Variants in RUNX2 observed in about 807,000 individuals in gnomAD.
RUNX2 encodes the protein runt-related transcription factor 2.
Under a neutral mutation model 51.7 loss-of-function variants are expected in RUNX2, and 10 were observed. The ratio of observed to expected loss-of-function variants is 0.19; its 90% CI spans 0.12 to 0.33. The LOEUF (loss-of-function observed/expected upper bound fraction) is 0.33, where lower values mean the gene tolerates loss of function less well. Among genes scored for constraint, RUNX2 ranks in the 10% least tolerant of loss-of-function variants. The pLI, the probability that RUNX2 is intolerant of heterozygous loss-of-function variation, is 1.00. For missense variants in RUNX2, 562 were observed against 691.3 expected (o/e 0.81, Z 2.10); for synonymous variants, 276 against 273.6 (o/e 1.01, Z -0.09).
intron 2 of RUNX2, among the ~76,000 whole-genome samples, chr6:45,402,715 C>T (rs1395908837): frequency 2.6e-5 from 4 of 151,884 alleles, no homozygotes; most frequent in Non-Finnish European, 5.9e-5. Context: ...AAAAATAAAA[C>T]AAAAAAATTA....
intron 2 of RUNX2, among the ~76,000 whole-genome samples, chr6:45,411,722 T>C (rs948665788): frequency 6.6e-6 from 1 of 152,170 alleles, no homozygotes; most frequent in Non-Finnish European, 1.5e-5. Flanking sequence ...TTATAATAAG[T>C]TATAACACTT....
At chr6:45,391,328 T>G (rs1447506635) in intron 2 of RUNX2, among the ~76,000 whole-genome samples, 1 of 152,174 alleles carries the variant, frequency 6.6e-6, no homozygotes, top group Non-Finnish European at 1.5e-5. Flanking sequence ...GTCTGAGACC[T>G]TCCCCTTGCT....
chr6:45,484,759 A>C (rs1351854060), intron 5 of RUNX2, among the ~76,000 whole-genome samples: 2 of 152,212 alleles, frequency 1.3e-5, no homozygotes, highest in African/African-American at 4.8e-5. Context: ...TCGTGACTTT[A>C]AAATTAGTCA....
intron 5 of RUNX2, among the ~76,000 whole-genome samples, chr6:45,490,615 C>G (rs146210862): frequency 6.6e-6 from 1 of 152,322 alleles, no homozygotes; most frequent in Non-Finnish European, 1.5e-5. Context: ...ATACATTCCT[C>G]TTGTTCTGTA....
chr6:45,345,493 G>A (rs1264615377), intron 2 of RUNX2, among the ~76,000 whole-genome samples: 1 of 151,914 alleles, frequency 6.6e-6, no homozygotes, highest in African/African-American at 2.4e-5. Context: ...ATAAACCAAC[G>A]CTCAAACCTG....
At chr6:45,401,077 AAAAC>A (rs1345341178) in intron 2 of RUNX2, among the ~76,000 whole-genome samples, 1 of 152,354 alleles carries the variant, frequency 6.6e-6, no homozygotes, top group Non-Finnish European at 1.5e-5. Context: ...GATATTGAGA[AAAAC>A]AAACAACAAA....
intron 2 of RUNX2, among the ~76,000 whole-genome samples, chr6:45,402,886 C>T (rs1305499637): frequency 6.6e-6 from 1 of 152,132 alleles, no homozygotes; most frequent in Non-Finnish European, 1.5e-5. Flanking sequence ...AGCTCCCACT[C>T]CCCTATCCCG....
intron 7 of RUNX2, among the ~76,000 whole-genome samples, chr6:45,528,514 G>A (rs1201329530): frequency 1.3e-5 from 2 of 152,064 alleles, no homozygotes; most frequent in African/African-American, 4.8e-5. Context: ...CCAGCTACTG[G>A]GGAGGCTGAG....
intron 5 of RUNX2, among the ~76,000 whole-genome samples, chr6:45,482,230 C>G (rs950996461): frequency 5.3e-5 from 8 of 152,070 alleles, no homozygotes; most frequent in Non-Finnish European, 7.4e-5. Flanking sequence ...TGCTTCCTAC[C>G]TCCTATGAAG....
At chr6:45,515,587 C>T (rs1431012397) in intron 7 of RUNX2, among the ~76,000 whole-genome samples, 7 of 152,026 alleles carry the variant, frequency 4.6e-5, no homozygotes, top group Admixed American at 1.3e-4. Flanking sequence ...AATAGATCAC[C>T]GCAGGGCATA....
intron 6 of RUNX2, among the ~76,000 whole-genome samples, chr6:45,512,018 T>C (rs1194173612): frequency 6.6e-6 from 1 of 152,120 alleles, no homozygotes; most frequent in African/African-American, 2.4e-5. Context: ...GCATCATCCA[T>C]TTTGTTGCTT....
chr6:45,478,487 CAACT>C (rs1232461068), intron 5 of RUNX2, among the ~76,000 whole-genome samples: 1 of 152,208 alleles, frequency 6.6e-6, no homozygotes, highest in Non-Finnish European at 1.5e-5. Context: ...TACAGCCTCA[CAACT>C]AACTTAGTAG....
chr6:45,524,043 G>A (rs1582204971), intron 7 of RUNX2, among the ~76,000 whole-genome samples: 1 of 152,130 alleles, frequency 6.6e-6, no homozygotes, highest in Non-Finnish European at 1.5e-5. Context: ...ACTTTAATTT[G>A]AATTGTTCAA....
intron 8 of RUNX2, 79 bp downstream of exon 8, chr6:45,545,361 G>A: frequency 1.4e-6 from 2 of 1,464,610 alleles, no homozygotes; most frequent in Non-Finnish European, 1.8e-6. Context: ...CGATTTGTGA[G>A]TTTTGTTAAC....
intron 3 of RUNX2, among the ~76,000 whole-genome samples, chr6:45,424,415 C>G (rs1171651335): frequency 6.6e-6 from 1 of 152,184 alleles, no homozygotes; most frequent in Non-Finnish European, 1.5e-5. Flanking sequence ...GTAAGCCAGA[C>G]GTGGAGATGA....
At chr6:45,539,063 T>C (rs1802136319) in intron 7 of RUNX2, among the ~76,000 whole-genome samples, 1 of 152,178 alleles carries the variant, frequency 6.6e-6, no homozygotes, top group Admixed American at 6.5e-5. Flanking sequence ...GTTCCTTCCC[T>C]TACTCTCCCT....
At chr6:45,539,048 G>T (rs190143150) in intron 7 of RUNX2, among the ~76,000 whole-genome samples, 22 of 152,020 alleles carry the variant, frequency 1.4e-4, no homozygotes, top group Admixed American at 2.6e-4. Context: ...CTCCATCTTT[G>T]GCTCGTTCCT....
intron 2 of RUNX2, among the ~76,000 whole-genome samples, chr6:45,331,521 G>A (rs1787505560): frequency 1.3e-5 from 2 of 151,672 alleles, no homozygotes; most frequent in African/African-American, 4.8e-5. Flanking sequence ...ACAAAGTTAA[G>A]AACAAACACA....
chr6:45,544,924 T>C (rs1243269863), intron 7 of RUNX2, among the ~76,000 whole-genome samples: 3 of 152,216 alleles, frequency 2.0e-5, no homozygotes, highest in Admixed American at 6.5e-5. Flanking sequence ...TTGGGAGGAA[T>C]AGGTAGAGGC....
Sources: gnomAD v4.1 joint callset for allele counts (sites outside exome capture counted in the v4.1 genomes callset) on GRCh38, gnomAD v4.1.1 for gene constraint, MANE v1.5 for transcripts, NCBI Gene and HGNC (gene_info 2026-07-23, HGNC 2026-07-21) for gene names.